The following SYT7 variants were observed in gnomAD, a reference collection of about 807,000 sequenced individuals.
SYT7 encodes synaptotagmin 7, also known as synaptotagmin-7.
SYT7 carries 29 observed loss-of-function variants against 75.1 expected under a neutral mutation model. The ratio of observed to expected loss-of-function variants is 0.39; its 90% CI spans 0.29 to 0.53. The LOEUF (loss-of-function observed/expected upper bound fraction) is 0.53. SYT7 is among the 20% of genes least tolerant of loss of function. SYT7 has a pLI of 0.77. For missense variants in SYT7, 693 were observed against 953.2 expected (o/e 0.73, Z 3.59); for synonymous variants, 376 against 401.7 (o/e 0.94, Z 0.76).
In SYT7 at chr11:61,552,331, C is replaced by T. The variant is rs551120050; in HGVS notation, c.136-868G>A. Among the ~76,000 whole-genome samples the T allele has an allele frequency of 4.6e-5, 7 of 152,176 alleles. No homozygotes were observed. In the South Asian group the frequency reaches 6.2e-4, roughly 14 times the overall value. ...AGCGTCCTCACACGCACCCATGGGC[C>T]ACGGACCTGGGCCAGGTCCAGGGCT... On this transcript the variant is annotated intron_variant, in intron 2 of 12. Coordinates refer to ENST00000539008, the MANE Select transcript of SYT7 (RefSeq NM_001365809.2).
chr11:61,550,853 G>A (rs559199132), intron 3 of SYT7, among the ~76,000 whole-genome samples: 4 of 152,306 alleles, frequency 2.6e-5, no homozygotes, highest in Admixed American at 6.5e-5. Flanking sequence ...CACAGCGGCC[G>A]GTGGGGTTGA....
chr11:61,527,343 C>G (rs2062551668), intron 9 of SYT7, among the ~76,000 whole-genome samples: 1 of 152,196 alleles, frequency 6.6e-6, no homozygotes, highest in African/African-American at 2.4e-5. Flanking sequence ...CTGTTATTAT[C>G]TCTATTTTGT....
In SYT7 at chr11:61,567,303, T is replaced by C. The variant is rs149542500; in HGVS notation, c.32-11096A>G. Among the ~76,000 whole-genome samples, 89 of 152,188 alleles carry C rather than the reference T, an allele frequency of 5.8e-4. 1 individual carries two copies. The highest frequency in any genetic ancestry group is 2.7e-3 in the East Asian group (14 of 5,182). ...CGTTCTATCATATTCAGGGGTATCA[T>C]TTACACGGCAAATATTAGGATGGAG... On this transcript the variant is annotated intron_variant, in intron 1 of 12. Transcript: ENST00000539008.
At chr11:61,578,609 G>A (rs1189671514) in intron 1 of SYT7, among the ~76,000 whole-genome samples, 2 of 152,130 alleles carry the variant, frequency 1.3e-5, no homozygotes, top group Non-Finnish European at 2.9e-5. Context: ...GGGGGAGCTG[G>A]GGGGAAGGGA....
intron 7 of SYT7, among the ~76,000 whole-genome samples, chr11:61,536,086 A>C (rs1433586557): frequency 6.6e-6 from 1 of 152,028 alleles, no homozygotes; most frequent in Non-Finnish European, 1.5e-5. Context: ...CCACCCGAGA[A>C]GCACCCCAGT....
At chr11:61,518,774 G>A in intron 12 of SYT7, 43 bp from the exon 13 acceptor site, 3 of 1,403,102 alleles carry the variant, frequency 2.1e-6, no homozygotes, top group Non-Finnish European at 2.9e-6. Context: ...CAGGCTCCAG[G>A]GCACTGGCCC....
At chr11:61,534,575 A>G (rs974715159) in intron 7 of SYT7, among the ~76,000 whole-genome samples, 2 of 152,176 alleles carry the variant, frequency 1.3e-5, no homozygotes, top group Non-Finnish European at 2.9e-5. Context: ...ACACACATAC[A>G]GCGATGGCAC....
intron 5 of SYT7, among the ~76,000 whole-genome samples, chr11:61,545,670 G>A (rs958036493): frequency 6.6e-6 from 1 of 152,228 alleles, no homozygotes; most frequent in Non-Finnish European, 1.5e-5. Context: ...ACAACCACAG[G>A]CCTGCTGCCC....
At chr11:61,544,129 A>G (rs1267567476) in intron 5 of SYT7, among the ~76,000 whole-genome samples, 1 of 152,228 alleles carries the variant, frequency 6.6e-6, no homozygotes, top group African/African-American at 2.4e-5. Flanking sequence ...TATGGCTTAT[A>G]AAGCCTAAAT....
chr11:61,528,596 G>A lies in SYT7; in HGVS notation c.1201-411C>T, dbSNP rs374325864. ...GGTAGGGCCAACTGTGGGAGGCACC[G>A]ACACAAACCTGGGCTACACAGCAGA... On this transcript the variant is annotated intron_variant, in intron 8 of 12. Transcript: ENST00000539008. Among the ~76,000 whole-genome samples the A allele has an allele frequency of 9.6e-4, 146 of 152,222 alleles. No homozygotes were observed. The South Asian group carries it at 0.016, about 16-fold the overall frequency.
In SYT7 at chr11:61,533,077, T is replaced by A. The variant is rs1250955857; in HGVS notation, c.1112A>T (p.Gln371Leu). 15 of 1,612,232 alleles carry A rather than the reference T, an allele frequency of 9.3e-6. No individual in the cohort carries two copies. Among genetic ancestry groups the A allele is most frequent in the Non-Finnish European group, 1.2e-5 (14 of 1,179,682 alleles). ...GCGGTCGGACTCATCGTGGGGTGTCTGGCCTGGCACGGGGGCTGTGTTCAC... is the reference window on the plus strand; with the variant it reads ...GCGGTCGGACTCATCGTGGGGTGTCAGGCCTGGCACGGGGGCTGTGTTCAC... Reference protein sequence around the residue: ...KAVNTAPVPGQTPHDESDRRT... With the variant: ...KAVNTAPVPGLTPHDESDRRT... Residue 371 changes from glutamine to leucine, a missense_variant, in exon 8 of 13, where the codon CAG becomes CTG. Gln to Leu is a moderately radical substitution (Grantham distance 113). Coordinates refer to ENST00000539008, the MANE Select transcript of SYT7 (RefSeq NM_001365809.2).
intron 12 of SYT7, 81 bp from the exon 13 acceptor site, chr11:61,518,812 T>C (rs2062219672): frequency 1.0e-6 from 1 of 1,001,162 alleles, no homozygotes; most frequent in Non-Finnish European, 1.4e-6. Flanking sequence ...ACACCCCAAC[T>C]CCACCATGAT....
intron 1 of SYT7, among the ~76,000 whole-genome samples, chr11:61,578,093 G>C (rs2064135416): frequency 6.6e-6 from 1 of 152,208 alleles, no homozygotes; most frequent in African/African-American, 2.4e-5. Flanking sequence ...ACAGAGTGTG[G>C]AGCTGGAGCC....
intron 9 of SYT7, among the ~76,000 whole-genome samples, chr11:61,525,001 G>A (rs1419000302): frequency 6.6e-6 from 1 of 152,148 alleles, no homozygotes; most frequent in East Asian, 1.9e-4. Context: ...TCGGTGGGAG[G>A]GAAAAGGCAA....
rs780806569 is a variant in SYT7, at chr11:61,523,968, G to T, written c.1642-27C>A. The T allele has an allele frequency of 1.2e-6, 2 of 1,606,140 alleles. No homozygotes were observed. The highest frequency in any genetic ancestry group is 2.2e-5 in the South Asian group (2 of 90,880). On this transcript the variant is annotated intron_variant, in intron 10 of 12. Transcript: ENST00000539008. The surrounding 1 kb of genome is among the most constrained non-coding windows in gnomAD (Gnocchi z 5.0). ...TGGGAGGCACGACAGGAGGGGTGTG[G>T]GGAACTAGGCTAGCAGAGCTCTCTG...
intron 1 of SYT7, among the ~76,000 whole-genome samples, chr11:61,575,676 C>T (rs1193792620): frequency 6.6e-6 from 1 of 152,194 alleles, no homozygotes; most frequent in Non-Finnish European, 1.5e-5. Context: ...ACAGGCCCTG[C>T]CTGGCCAGGT....
Position 61,542,337 on chromosome 11 carries a change from G to A in SYT7, c.815C>T (p.Ala272Val). ...PNPRAYGRGQ[A>V]RQGTSAGSKY... ...GGAGCCGGCCGAGGTGCCCTGCCGA[G>A]CCTGGCCCCGGCCATAGGCCCGGGG... Residue 272 changes from alanine (A) to valine (V), a missense_variant, in exon 6 of 13, where the codon GCT becomes GTT. Transcript: ENST00000539008. This position sits in a 1 kb window ranked among gnomAD's most constrained non-coding sequence, Gnocchi z 7.8. The A allele has an allele frequency of 1.3e-6, 2 of 1,531,256 alleles. 1 individual carries two copies. The highest frequency in any genetic ancestry group is 2.4e-5 in the South Asian group (2 of 83,750). The allele number at this position is 1,531,256 out of a possible 1,614,324, so 94.9% of individuals were successfully genotyped here.
In SYT7 at chr11:61,523,048, GCAC is replaced by G; in HGVS notation, c.1956+24_1956+26del. 6.2e-7 allele frequency: 1 copy of G among 1,612,846 alleles called. No individual in the cohort carries two copies. Among genetic ancestry groups the G allele is most frequent in the South Asian group, 1.1e-5 (1 of 91,032 alleles). The stretch of plus-strand genomic sequence containing the variant: ...CGGAGCCTCACTGGTGCCAGCAGGT[GCAC>G]CACACCACCTGCCTCGCCCCTACCT... On this transcript the variant is annotated intron_variant, in intron 12 of 12. Coordinates refer to ENST00000539008, the MANE Select transcript of SYT7 (RefSeq NM_001365809.2). This position sits in a 1 kb window ranked among gnomAD's most constrained non-coding sequence, Gnocchi z 5.0.
intron 7 of SYT7, among the ~76,000 whole-genome samples, chr11:61,535,521 T>C (rs1418313233): frequency 1.3e-5 from 2 of 152,106 alleles, no homozygotes; most frequent in Non-Finnish European, 2.9e-5. Context: ...CAGCAGGGCG[T>C]GGAGCCAGGG....
Sources: gnomAD v4.1 joint callset for allele counts (sites outside exome capture counted in the v4.1 genomes callset) on GRCh38, gnomAD v4.1.1 for gene constraint, Gnocchi (gnomAD v3.1) non-coding constraint, MANE v1.5 for transcripts, NCBI Gene and HGNC (gene_info 2026-07-23, HGNC 2026-07-21) for gene names.